Variants in ALG14 observed in about 807,000 individuals in gnomAD.
ALG14 encodes UDP-N-acetylglucosamine transferase subunit ALG14.
In ALG14, 17 loss-of-function variants were observed where a neutral mutation model predicts 22.8. The ratio of observed to expected loss-of-function variants is 0.75; its 90% CI spans 0.51 to 1.12. The LOEUF is 1.12. Ranked by LOEUF, ALG14 falls within the 50% of genes most tolerant of loss-of-function variation. The pLI, the probability that ALG14 is intolerant of heterozygous loss-of-function variation, is 0.00. For missense variants in ALG14, 288 were observed against 271.8 expected (o/e 1.06, Z -0.42); for synonymous variants, 89 against 103.7 (o/e 0.86, Z 0.86).
intron 3 of ALG14, among the ~76,000 whole-genome samples, chr1:94,990,150 C>G (rs902045238): frequency 6.6e-6 from 1 of 152,018 alleles, no homozygotes; most frequent in Admixed American, 6.6e-5. Context: ...TGAGAGTAAT[C>G]AAGGGAGTAA....
At chr1:94,988,594 A>G (rs1452915419) in intron 3 of ALG14, among the ~76,000 whole-genome samples, 2 of 152,212 alleles carry the variant, frequency 1.3e-5, no homozygotes, top group African/African-American at 2.4e-5. Flanking sequence ...AAGGGTTTAC[A>G]GAATGGAATG....
At chr1:95,003,336 A>G (rs926024079) in intron 3 of ALG14, among the ~76,000 whole-genome samples, 5 of 152,220 alleles carry the variant, frequency 3.3e-5, no homozygotes, top group African/African-American at 1.2e-4. Flanking sequence ...TTTGGAAGAT[A>G]CAAGTCAAAG....
chr1:94,984,497 C>A (rs1672587058), intron 3 of ALG14, among the ~76,000 whole-genome samples: 1 of 152,206 alleles, frequency 6.6e-6, no homozygotes, highest in Admixed American at 6.5e-5. Context: ...AAACACCATT[C>A]ACAGAGCTTT....
chr1:95,007,475 T>C (rs1270432869), intron 3 of ALG14, among the ~76,000 whole-genome samples: 3 of 152,236 alleles, frequency 2.0e-5, no homozygotes, highest in Non-Finnish European at 2.9e-5. Context: ...GAATCTGGTA[T>C]GTATCTGGAA....
At chr1:95,038,722 T>G (rs889006358) in intron 2 of ALG14, among the ~76,000 whole-genome samples, 19 of 148,982 alleles carry the variant, frequency 1.3e-4, no homozygotes, top group African/African-American at 4.2e-4. Flanking sequence ...TAAGGTTTTT[T>G]TTTTTTTTTT....
chr1:95,021,017 C>T (rs532679906), intron 3 of ALG14, among the ~76,000 whole-genome samples: 2 of 152,122 alleles, frequency 1.3e-5, no homozygotes, highest in Non-Finnish European at 2.9e-5. Context: ...TCTTATGGTG[C>T]TTTGATAAAG....
chr1:95,052,198 G>A (rs1674772450), intron 2 of ALG14, among the ~76,000 whole-genome samples: 2 of 152,154 alleles, frequency 1.3e-5, no homozygotes, highest in Middle Eastern at 3.4e-3. Flanking sequence ...CTTCCATGAA[G>A]GAACGAATGA....
At position 94,976,682 on chromosome 1, in the gene ALG14, ACTCC is replaced by A. The variant is rs1672402349; in HGVS notation, c.*6390_*6393del. On this transcript the variant is annotated 3_prime_UTR_variant, in exon 4 of 4. Transcript: ENST00000370205. ...ACTCCAGCCTGGGTGACAGAGTGAGACTCCGTCTTAAAGAAAAAAAAAAAAGATG... is the reference window on the plus strand; with the variant it reads ...ACTCCAGCCTGGGTGACAGAGTGAGAGTCTTAAAGAAAAAAAAAAAAGATG... 5 of 150,762 alleles carry A rather than the reference ACTCC, an allele frequency of 3.3e-5. No individual in the cohort carries two copies. The highest frequency in any genetic ancestry group is 3.3e-4 in the Admixed American group (5 of 15,082). The allele number at this position is 150,762 out of a possible 1,614,324, so 9.3% of individuals were successfully genotyped here. A position where few individuals can be genotyped will look rare whatever the true frequency, so the allele number is the denominator to read the frequency against.
chr1:94,983,310 A>G lies in ALG14; in HGVS notation c.421-4T>C. ...TTCCTGGTCCGTTACACAACACCTG[A>G]AAGAAAAAGTTGAAGGTCAAATGAA... On this transcript the variant is annotated splice_polypyrimidine_tract_variant and splice_region_variant and intron_variant, in intron 3 of 3. Coordinates refer to ENST00000370205, the MANE Select transcript of ALG14 (RefSeq NM_144988.4). 6.2e-7 allele frequency: 1 copy of G among 1,611,958 alleles called. No individual in the cohort carries two copies. The highest frequency in any genetic ancestry group is 8.5e-7 in the Non-Finnish European group (1 of 1,178,662).
At chr1:94,994,221 T>G (rs1022038297) in intron 3 of ALG14, among the ~76,000 whole-genome samples, 3 of 152,068 alleles carry the variant, frequency 2.0e-5, no homozygotes, top group African/African-American at 7.3e-5. Context: ...TGGACCAAGG[T>G]GATGATTTCC....
chr1:95,065,714 T>C (rs1011119523), intron 1 of ALG14, among the ~76,000 whole-genome samples: 1 of 152,196 alleles, frequency 6.6e-6, no homozygotes, highest in Non-Finnish European at 1.5e-5. Flanking sequence ...AAACATCTTT[T>C]GTTCACCACT....
rs144189564 is a variant in ALG14 at position 95,066,528 on chromosome 1, T to A, written c.137-1511A>T. On this transcript the variant is annotated intron_variant, in intron 1 of 3. Transcript: ENST00000370205. ...GTGAGCCACCATGCCAAGCCCACAT[T>A]TTTTTTTAATAGTAGAAAGGAAAGG... Among the ~76,000 whole-genome samples the A allele has an allele frequency of 5.7e-4, 86 of 151,788 alleles. 2 individuals carry two copies. In the East Asian group the frequency reaches 0.015, roughly 27 times the overall value.
chr1:94,985,203 C>T (rs569812105), intron 3 of ALG14, among the ~76,000 whole-genome samples: 18 of 84,038 alleles, frequency 2.1e-4, no homozygotes, highest in Admixed American at 9.9e-4. Flanking sequence ...TATAACTCTA[C>T]AATTTTCCTC....
intron 3 of ALG14, among the ~76,000 whole-genome samples, chr1:94,998,661 C>T (rs1672969417): frequency 6.6e-6 from 1 of 152,186 alleles, no homozygotes; most frequent in Admixed American, 6.5e-5. Context: ...CTCAGGCTGT[C>T]TGGGTTTGAA....
chr1:95,065,515 T>A (rs1675330609), intron 1 of ALG14, among the ~76,000 whole-genome samples: 1 of 152,172 alleles, frequency 6.6e-6, no homozygotes, highest in Non-Finnish European at 1.5e-5. Flanking sequence ...TGGGGATTGT[T>A]AGGGCATGAG....
At chr1:95,042,276 T>C (rs1157514279) in intron 2 of ALG14, among the ~76,000 whole-genome samples, 1 of 151,026 alleles carries the variant, frequency 6.6e-6, no homozygotes, top group African/African-American at 2.4e-5. Flanking sequence ...AAAGCACTCA[T>C]TGTCCTTTGC....
intron 2 of ALG14, among the ~76,000 whole-genome samples, chr1:95,060,274 T>C (rs1449189841): frequency 1.3e-5 from 2 of 151,556 alleles, no homozygotes; most frequent in African/African-American, 4.8e-5. Flanking sequence ...TTCAGATTCA[T>C]GAGTAGAGGC....
chr1:94,998,803 C>A (rs562974684), intron 3 of ALG14, among the ~76,000 whole-genome samples: 1 of 152,088 alleles, frequency 6.6e-6, no homozygotes, highest in African/African-American at 2.4e-5. Flanking sequence ...GGATTAAATA[C>A]GTATAAGGTA....
chr1:95,057,251 GCA>G (rs1557652448), intron 2 of ALG14, among the ~76,000 whole-genome samples: 1 of 151,364 alleles, frequency 6.6e-6, no homozygotes, highest in Non-Finnish European at 1.5e-5. Flanking sequence ...ATATGCACAT[GCA>G]CACACAGTTA....
Sources: allele counts gnomAD v4.1 joint callset (sites outside exome capture counted in the v4.1 genomes callset), GRCh38; gene constraint gnomAD v4.1.1; transcripts MANE v1.5; gene names NCBI Gene and HGNC (gene_info 2026-07-23, HGNC 2026-07-21).